TRPV3: variants seen among roughly 807,000 people sequenced by gnomAD.
TRPV3 encodes transient receptor potential cation channel subfamily V member 3.
TRPV3 carries 88 observed loss-of-function variants against 87.1 expected under a neutral mutation model. The observed-to-expected ratio is 1.01, with a 90% CI of 0.85 to 1.21. The LOEUF is 1.21. TRPV3 is among the 50% of genes most tolerant of loss of function. The probability of loss-of-function intolerance (pLI) is 0.00; values close to 1 mark genes in which losing one functional copy is unlikely to be tolerated. For missense variants in TRPV3, 1,054 were observed against 1,030.1 expected, an observed-to-expected ratio of 1.02 and a Z score of -0.32; for synonymous variants, 438 against 423.3, an observed-to-expected ratio of 1.03 and a Z score of -0.43.
rs763128078 is a variant in TRPV3, at chr17:3,545,285, G to A, written c.120-14C>T. ...AAGAAGTGTGCACTGAGGGAACACGGAGGAAGCCTGTTAGGGCCGAGCCAG... is the reference window on the plus strand; with the variant it reads ...AAGAAGTGTGCACTGAGGGAACACGAAGGAAGCCTGTTAGGGCCGAGCCAG... On this transcript the variant is annotated splice_polypyrimidine_tract_variant and intron_variant, in intron 2 of 17. Transcript: ENST00000576742. The A allele has an allele frequency of 6.3e-7, 1 of 1,597,758 alleles. No homozygotes were observed. The highest frequency in any genetic ancestry group is 1.7e-5 in the Admixed American group (1 of 59,840).
rs1439166922 is a variant in TRPV3, at chr17:3,556,849, C to G, written c.-3+827G>C. ...ATGGCTTTCCCCATCCCCACGTGGC[C>G]TTTGGTGGACTAAAAGGCTGGGATG... On this transcript the variant is annotated intron_variant, in intron 1 of 17. Coordinates refer to ENST00000576742, the MANE Select transcript of TRPV3 (RefSeq NM_145068.4). This position sits in a 1 kb window ranked among gnomAD's most constrained non-coding sequence, Gnocchi z 4.2. Among the ~76,000 whole-genome samples, 1 of 152,118 alleles carries G rather than the reference C, an allele frequency of 6.6e-6. No individual in the cohort carries two copies. Among genetic ancestry groups the G allele is most frequent in the Non-Finnish European group, 1.5e-5 (1 of 68,008 alleles).
chr17:3,535,743 C>G (rs1228408669), intron 6 of TRPV3, 30 bp from the exon 7 acceptor site: 1 of 1,443,084 alleles, frequency 6.9e-7, no homozygotes, highest in East Asian at 2.8e-5. Context: ...GCGCGGGAGC[C>G]TCAGCGCCGG....
At position 3,524,798 on chromosome 17, in the gene TRPV3, C is replaced by A. The variant is rs549066366; in HGVS notation, c.1578-435G>T. 3.6e-5 allele frequency among the ~76,000 whole-genome samples: 5 copies of A among 138,686 alleles called. No homozygotes were observed. In the South Asian group the frequency reaches 1.2e-3, roughly 32 times the overall value. The allele number at this position is 138,686 out of a possible 152,430, so 91.0% of individuals were successfully genotyped here. A position where few individuals can be genotyped will look rare whatever the true frequency, so the allele number is the denominator to read the frequency against. On this transcript the variant is annotated intron_variant, in intron 12 of 17. Coordinates refer to ENST00000576742, the MANE Select transcript of TRPV3 (RefSeq NM_145068.4). ...ACCAGCCTGAGTGACATAGTGAGACCTTGTCTCTACAAAAAAAAAAAAAAA... is the reference window on the plus strand; with the variant it reads ...ACCAGCCTGAGTGACATAGTGAGACATTGTCTCTACAAAAAAAAAAAAAAA...
chr17:3,534,142 A>G (rs920982740), intron 7 of TRPV3, among the ~76,000 whole-genome samples: 7 of 152,120 alleles, frequency 4.6e-5, no homozygotes, highest in African/African-American at 1.7e-4. Flanking sequence ...ACCAGCTCCT[A>G]TGCAGGGCAA....
chr17:3,535,171 T>TC (rs2074388012), intron 7 of TRPV3, among the ~76,000 whole-genome samples: 1 of 97,670 alleles, frequency 1.0e-5, no homozygotes, highest in Non-Finnish European at 2.1e-5. Context: ...CCCTCCGCCC[T>TC]CCTTCCTCCT....
chr17:3,554,667 G>T lies in TRPV3; in HGVS notation c.119+65C>A, dbSNP rs572727185. Reference sequence around the variant, plus strand: ...CCCAAGGCAAGGGCTCCCTGGGGGGGTGCCAGGCCCCCACTCGTGCCCCTC... The same window carrying T: ...CCCAAGGCAAGGGCTCCCTGGGGGGTTGCCAGGCCCCCACTCGTGCCCCTC... On this transcript the variant is annotated intron_variant, in intron 2 of 17. Transcript: ENST00000576742. 1.1e-4 allele frequency: 136 copies of T among 1,197,134 alleles called. 1 individual carries two copies. In the South Asian group the frequency reaches 1.4e-3, roughly 13 times the overall value. 74.2% of individuals were successfully genotyped at this position (1,197,134 alleles called of 1,614,324 possible). A position where few individuals can be genotyped will look rare whatever the true frequency, so the allele number is the denominator to read the frequency against.
At chr17:3,538,926 T>C (rs549126453) in intron 6 of TRPV3, among the ~76,000 whole-genome samples, 59 of 152,282 alleles carry the variant, frequency 3.9e-4, no homozygotes, top group African/African-American at 1.4e-3. Flanking sequence ...AACCCAGATA[T>C]TCCAATTCAA....
At chr17:3,555,594 A>T (rs1402029820) in intron 1 of TRPV3, among the ~76,000 whole-genome samples, 1 of 151,928 alleles carries the variant, frequency 6.6e-6, no homozygotes, top group East Asian at 1.9e-4. Flanking sequence ...CCCAGTCCAG[A>T]CCTGCTTTAC....
chr17:3,528,536 C>G lies in TRPV3; in HGVS notation c.1401+301G>C, dbSNP rs1485201920. Reference sequence around the variant, plus strand: ...CTCCTCCCGTTTCCTGCAGCCCTCACAGCAGAAACACCCAGCTAGTTCTAT... The same window carrying G: ...CTCCTCCCGTTTCCTGCAGCCCTCAGAGCAGAAACACCCAGCTAGTTCTAT... On this transcript the variant is annotated intron_variant, in intron 10 of 17. Transcript: ENST00000576742. The surrounding 1 kb of genome is among the most constrained non-coding windows in gnomAD (Gnocchi z 4.2). 2.0e-5 allele frequency among the ~76,000 whole-genome samples: 3 copies of G among 152,192 alleles called. No individual in the cohort carries two copies. Among genetic ancestry groups the G allele is most frequent in the Non-Finnish European group, 4.4e-5 (3 of 68,028 alleles).
At chr17:3,539,800 G>C (rs12602651) in intron 6 of TRPV3, among the ~76,000 whole-genome samples, 1 of 152,066 alleles carries the variant, frequency 6.6e-6, no homozygotes, top group Non-Finnish European at 1.5e-5. Context: ...TTGAAGAATT[G>C]CTTAAAAAAG....
chr17:3,528,045 T>C lies in TRPV3; in HGVS notation c.1483A>G (p.Met495Val), dbSNP rs192236337. ...CTTACCTCTTTCACAGAGATGCACATGGCCCAGATGAGCACAAACATCCTC... is the reference window on the plus strand; with the variant it reads ...CTTACCTCTTTCACAGAGATGCACACGGCCCAGATGAGCACAAACATCCTC... ...LGRMFVLIWAMCISVKEGIAI... is the reference protein window; with the variant it reads ...LGRMFVLIWAVCISVKEGIAI... The change falls in exon 11 of 18, where the codon ATG (methionine) becomes GTG (valine). Residue 495 changes from methionine to valine, a missense_variant. Physicochemically the swap from Met to Val is conservative, Grantham distance 21. Transcript: ENST00000576742. The surrounding 1 kb of genome is among the most constrained non-coding windows in gnomAD (Gnocchi z 4.2). The C allele has an allele frequency of 7.4e-6, 12 of 1,613,694 alleles. No homozygotes were observed. The East Asian group carries it at 1.6e-4, about 21-fold the overall frequency.
chr17:3,531,907 G>C (rs1271041815), intron 8 of TRPV3, among the ~76,000 whole-genome samples: 4 of 152,194 alleles, frequency 2.6e-5, no homozygotes, highest in Non-Finnish European at 5.9e-5. Flanking sequence ...CGGGTACCCT[G>C]AGGCTGGCAC....
At chr17:3,515,024 C>T (rs2074165011) in intron 16 of TRPV3, among the ~76,000 whole-genome samples, 1 of 152,106 alleles carries the variant, frequency 6.6e-6, no homozygotes, top group Non-Finnish European at 1.5e-5. Context: ...GGGCCCGGGC[C>T]ACGAGGGTGT....
At position 3,530,185 on chromosome 17, in the gene TRPV3, T is replaced by C. The variant is rs376479198; in HGVS notation, c.1084A>G (p.Ser362Gly). 2 of 1,612,952 alleles carry C rather than the reference T, an allele frequency of 1.2e-6. No individual in the cohort carries two copies. The highest frequency in any genetic ancestry group is 1.7e-5 in the Admixed American group (1 of 59,920). The change falls in exon 9 of 18, where the codon AGT (serine) becomes GGT (glycine). Residue 362 changes from serine to glycine, a missense_variant. Transcript: ENST00000576742. The surrounding 1 kb of genome is among the most constrained non-coding windows in gnomAD (Gnocchi z 4.0). ...GKAEILKYIL[S>G]REIKEKRLRS... ...AGCCGCTTCTCCTTGATCTCACGAC[T>C]GAGGATGTACTTCAGGATCTGGGAC...
chr17:3,526,722 G>A (rs1410456199), intron 12 of TRPV3, 132 bp downstream of exon 12: 24 of 715,118 alleles, frequency 3.4e-5, no homozygotes, highest in Non-Finnish European at 4.9e-5. Context: ...GACCCCTGGC[G>A]TGTAACCATG....
At chr17:3,526,780 G>A in intron 12 of TRPV3, 74 bp downstream of exon 12, 2 of 1,199,332 alleles carry the variant, frequency 1.7e-6, no homozygotes, top group Non-Finnish European at 2.4e-6. Context: ...TGTTCAAGAG[G>A]CGGACACGGC....
chr17:3,546,967 C>CAAAAAAAAAAAAAAAAAAAAA (rs59021941), intron 2 of TRPV3, among the ~76,000 whole-genome samples: 2 of 123,606 alleles, frequency 1.6e-5, no homozygotes, highest in African/African-American at 7.0e-5. Context: ...GACTCCTTCT[C>CAAAAAAAAAAAAAAAAAAAAA]AAAAAAAAAA....
chr17:3,545,455 C>T (rs542952408), intron 2 of TRPV3, among the ~76,000 whole-genome samples, 184 bp from the exon 3 acceptor site: 2 of 152,324 alleles, frequency 1.3e-5, no homozygotes, highest in East Asian at 1.9e-4. Context: ...TTATCACCTA[C>T]GTTTCACAGA....
At chr17:3,524,158 T>A in intron 13 of TRPV3, 40 bp downstream of exon 13, 1 of 1,602,710 alleles carries the variant, frequency 6.2e-7, no homozygotes, top group Admixed American at 1.7e-5. Flanking sequence ...AAAATGGCCA[T>A]CCTCCGAGGG....
Sources: gnomAD v4.1 joint callset for allele counts (sites outside exome capture counted in the v4.1 genomes callset) on GRCh38, gnomAD v4.1.1 for gene constraint, Gnocchi (gnomAD v3.1) non-coding constraint, MANE v1.5 for transcripts, NCBI Gene and HGNC (gene_info 2026-07-23, HGNC 2026-07-21) for gene names.